The following MCTP2 variants were observed in gnomAD, a reference collection of about 807,000 sequenced individuals.
MCTP2 encodes multiple C2 and transmembrane domain-containing protein 2.
In MCTP2, 132 loss-of-function variants were observed where a neutral mutation model predicts 111.6. That is an observed-to-expected ratio of 1.18 (90% CI 1.03 to 1.37). The LOEUF is 1.37. MCTP2 is among the 40% of genes most tolerant of loss of function. MCTP2 has a pLI of 0.00. For missense variants in MCTP2, 1,183 were observed against 1,067.9 expected, an observed-to-expected ratio of 1.11 and a Z score of -1.50; for synonymous variants, 395 against 387.7, an observed-to-expected ratio of 1.02 and a Z score of -0.22.
At chr15:94,472,548 A>T (rs1360297379) in intron 21 of MCTP2, among the ~76,000 whole-genome samples, 1 of 152,148 alleles carries the variant, frequency 6.6e-6, no homozygotes, top group Non-Finnish European at 1.5e-5. Context: ...TACTTAATGA[A>T]ATATTGTTCT....
chr15:94,325,629 G>A (rs965421227), intron 4 of MCTP2, among the ~76,000 whole-genome samples: 14 of 151,750 alleles, frequency 9.2e-5, no homozygotes, highest in African/African-American at 3.4e-4. Flanking sequence ...TGAAACAGGA[G>A]AAATGAGAGA....
intron 16 of MCTP2, among the ~76,000 whole-genome samples, 167 bp from the exon 17 acceptor site, chr15:94,401,733 A>G (rs2081600254): frequency 6.6e-6 from 1 of 152,234 alleles, no homozygotes; most frequent in Non-Finnish European, 1.5e-5. Flanking sequence ...GGATGATCAT[A>G]TTTTAAAAAG....
intron 1 of MCTP2, among the ~76,000 whole-genome samples, chr15:94,251,784 T>G (rs935398730): frequency 1.3e-5 from 2 of 152,166 alleles, no homozygotes; most frequent in African/African-American, 2.4e-5. Context: ...TAAACACTGT[T>G]TCCTCATTGT....
chr15:94,326,572 C>CT (rs11291831), intron 4 of MCTP2, among the ~76,000 whole-genome samples: 371 of 145,572 alleles, frequency 2.5e-3, no homozygotes, highest in Non-Finnish European at 3.7e-3. Context: ...ATTATTGTTA[C>CT]TTTTTTTTTT....
At chr15:94,315,404 T>C (rs1178578718) in intron 3 of MCTP2, 125 bp from the exon 4 acceptor site, 15 of 636,130 alleles carry the variant, frequency 2.4e-5, no homozygotes, top group Non-Finnish European at 4.2e-5. Context: ...TGAGGAGGAG[T>C]TGGGGATGAC....
intron 1 of MCTP2, among the ~76,000 whole-genome samples, chr15:94,251,230 C>A (rs2072396856): frequency 6.6e-6 from 1 of 152,146 alleles, no homozygotes; most frequent in African/African-American, 2.4e-5. Flanking sequence ...TTTACTTTAC[C>A]GAATTCATCT....
chr15:94,454,828 TTTATTA>T lies in MCTP2; in HGVS notation c.2251-3302_2251-3297del, dbSNP rs144656316. Among the ~76,000 whole-genome samples the T allele has an allele frequency of 4.5e-3, 682 of 152,276 alleles. 7 individuals are homozygous for T. Among genetic ancestry groups the T allele is most frequent in the African/African-American group, 0.016 (655 of 41,546 alleles). ...TTCTGAAGTTATACTTTAGGTTATT[TTTATTA>T]TTATTAGGTGGAGTCTCGCTCTGTG... is the stretch of plus-strand genomic sequence containing the variant. On this transcript the variant is annotated intron_variant, in intron 19 of 22. Coordinates refer to ENST00000357742, the MANE Select transcript of MCTP2 (RefSeq NM_001385001.1).
chr15:94,477,207 T>C (rs1056469541), intron 22 of MCTP2, among the ~76,000 whole-genome samples: 1 of 152,192 alleles, frequency 6.6e-6, no homozygotes, highest in Non-Finnish European at 1.5e-5. Context: ...ATTCTTTTTA[T>C]TCTCATTTGC....
chr15:94,303,064 A>ATATATATATATAGTT (rs773307490), intron 2 of MCTP2, among the ~76,000 whole-genome samples: 14 of 125,916 alleles, frequency 1.1e-4, no homozygotes, highest in South Asian at 7.7e-4. Context: ...CTAATGGAAT[A>ATATATATATATAGTT]TATATATATA....
intron 10 of MCTP2, among the ~76,000 whole-genome samples, chr15:94,366,944 T>G (rs2152435010): frequency 6.6e-6 from 1 of 152,336 alleles, no homozygotes; most frequent in Non-Finnish European, 1.5e-5. Context: ...GCGGAAAACA[T>G]GCAATTTATA....
chr15:94,398,984 T>G lies in MCTP2; in HGVS notation c.1812T>G (p.Cys604Trp), dbSNP rs149096285. 1.3e-6 allele frequency: 2 copies of G among 1,559,118 alleles called. No individual in the cohort carries two copies. Among genetic ancestry groups the G allele is most frequent in the Admixed American group, 1.7e-5 (1 of 59,704 alleles). The change falls in exon 15 of 23, where the codon TGT becomes TGG. Residue 604 changes from cysteine (C) to tryptophan (W), a missense_variant. Transcript: ENST00000357742. ...AGATTAGAGATGGACAACCGAATTG[T>G]TATGTACTAAAGAATAAAGATTTAG... Reference protein sequence around the residue: ...LLSIRDGQPNCYVLKNKDLEQ... With the variant: ...LLSIRDGQPNWYVLKNKDLEQ...
intron 21 of MCTP2, chr15:94,476,240 C>T (rs2074339086): frequency 6.5e-6 from 1 of 153,224 alleles, no homozygotes; most frequent in African/African-American, 2.4e-5. Context: ...CAAGCAGGGA[C>T]TTGTTTGGGC....
At chr15:94,476,605 C>CAGACAGAT in intron 21 of MCTP2, 91 bp from the exon 22 acceptor site, 1 of 627,084 alleles carries the variant, frequency 1.6e-6, no homozygotes. Context: ...GATTGACTGA[C>CAGACAGAT]AGATAGATAG....
At chr15:94,344,724 A>C (rs1201764236) in intron 7 of MCTP2, among the ~76,000 whole-genome samples, 1 of 152,194 alleles carries the variant, frequency 6.6e-6, no homozygotes, top group Non-Finnish European at 1.5e-5. Context: ...AAACTATGGA[A>C]ACCTAAACAT....
chr15:94,324,703 C>G (rs1026674233), intron 4 of MCTP2, among the ~76,000 whole-genome samples: 2 of 152,018 alleles, frequency 1.3e-5, no homozygotes, highest in East Asian at 3.9e-4. Flanking sequence ...AGGAGTAGTT[C>G]AGAGAAAAAA....
chr15:94,386,549 C>T (rs1029137835), intron 14 of MCTP2, among the ~76,000 whole-genome samples: 1 of 152,240 alleles, frequency 6.6e-6, no homozygotes, highest in African/African-American at 2.4e-5. Flanking sequence ...AGCATCTGCT[C>T]CCTGGTACGG....
chr15:94,413,051 G>A (rs2082222189), intron 17 of MCTP2, among the ~76,000 whole-genome samples: 1 of 152,086 alleles, frequency 6.6e-6, no homozygotes, highest in Non-Finnish European at 1.5e-5. Flanking sequence ...CAAAAACAGG[G>A]TTGGGGAATA....
chr15:94,337,187 C>T (rs755239169), intron 4 of MCTP2, among the ~76,000 whole-genome samples: 4 of 152,098 alleles, frequency 2.6e-5, no homozygotes, highest in South Asian at 4.1e-4. Flanking sequence ...ACAATTAACG[C>T]GGCACTAACT....
At chr15:94,450,308 A>G (rs2084363131) in intron 19 of MCTP2, among the ~76,000 whole-genome samples, 1 of 152,204 alleles carries the variant, frequency 6.6e-6, no homozygotes, top group African/African-American at 2.4e-5. Context: ...CTCCATTTTA[A>G]TAGCACGAGC....
Sources: gnomAD v4.1 joint callset for allele counts (sites outside exome capture counted in the v4.1 genomes callset) on GRCh38, gnomAD v4.1.1 for gene constraint, MANE v1.5 for transcripts, NCBI Gene and HGNC (gene_info 2026-07-23, HGNC 2026-07-21) for gene names.